RNF213: variants seen among roughly 807,000 people sequenced by gnomAD.
RNF213 encodes the protein E3 ubiquitin-protein ligase RNF213.
A neutral mutation model predicts 514.4 loss-of-function variants in RNF213; 341 were observed. That is an observed-to-expected ratio of 0.66 (90% confidence interval 0.61 to 0.73). RNF213 has a LOEUF of 0.73. Ranked by LOEUF, RNF213 falls within the 30% of genes least tolerant of loss-of-function variation. RNF213 has a pLI of 0.00. For missense variants in RNF213, 5,767 were observed against 6,615.6 expected, an observed-to-expected ratio of 0.87 and a Z score of 4.45; for synonymous variants, 2,655 against 2,658.2, an observed-to-expected ratio of 1.00 and a Z score of 0.04.
rs188545155 is a variant in RNF213 at position 80,263,725 on chromosome 17, C to T, written c.44C>T (p.Pro15Leu). ...CAGCATGTCTCCAAGGAGGAAACCCCCAAGTTCTGCAGCCAGTGCGGAGAG... is the reference window on the plus strand; with the variant it reads ...CAGCATGTCTCCAAGGAGGAAACCCTCAAGTTCTGCAGCCAGTGCGGAGAG... ...SCQHVSKEET[P>L]KFCSQCGERL... Residue 15 changes from proline (P) to leucine (L), a missense_variant, in exon 2 of 68, where the codon CCC becomes CTC. By Grantham distance (98) the Pro-to-Leu change is moderately conservative (BLOSUM62 -3). Around this residue, in one of 13 missense-constraint regions of RNF213, gnomAD observed 509 missense variants for 496.7 expected, o/e 1.02. Coordinates refer to ENST00000582970, the MANE Select transcript of RNF213 (RefSeq NM_001256071.3). The surrounding 1 kb of genome is among the most constrained non-coding windows in gnomAD (Gnocchi z 4.9). The T allele has an allele frequency of 1.2e-6, 2 of 1,614,162 alleles. No individual in the cohort carries two copies. The highest frequency in any genetic ancestry group is 2.2e-5 in the East Asian group (1 of 44,878).
Position 80,339,582 on chromosome 17 carries a change from A to C in RNF213, c.5215A>C (p.Arg1739=). The part of the protein sequence containing the change: ...LSFIKSNCTL[R]DVLRASVGCG... Reference sequence around the variant, plus strand: ...CTTCATCAAAAGCAACTGCACCCTGAGGGATGTCTTAAGGGCCTCTGTGGG... The same window carrying C: ...CTTCATCAAAAGCAACTGCACCCTGCGGGATGTCTTAAGGGCCTCTGTGGG... Residue 1739 remains arginine, a synonymous_variant, in exon 26 of 68, where the codon AGG becomes CGG. Transcript: ENST00000582970. 6.5e-7 allele frequency: 1 copy of C among 1,537,146 alleles called. No homozygotes were observed. The highest frequency in any genetic ancestry group is 8.7e-7 in the Non-Finnish European group (1 of 1,146,864).
Position 80,339,467 on chromosome 17 carries a change from C to A in RNF213, c.5100C>A (p.Tyr1700Ter), listed in dbSNP as rs1194536557. 2.0e-6 allele frequency: 3 copies of A among 1,537,258 alleles called. No homozygotes were observed. The highest frequency in any genetic ancestry group is 2.6e-6 in the Non-Finnish European group (3 of 1,146,926). Residue 1700 changes from tyrosine (Y) to a stop codon, truncating the protein, a stop_gained, in exon 26 of 68, where the codon TAC becomes TAA. Transcript: ENST00000582970. LOFTEE classifies it high-confidence loss of function. ...CCCAGAAGCGAATGGAGCACTTTTACCTGAACTTCTACACGGCAGAGCAGC... is the reference window on the plus strand; with the variant it reads ...CCCAGAAGCGAATGGAGCACTTTTAACTGAACTTCTACACGGCAGAGCAGC... Reference protein sequence around the residue: ...FVTQKRMEHFYLNFYTAEQLV... With the variant: ...FVTQKRMEHF
intron 2 of RNF213, among the ~76,000 whole-genome samples, chr17:80,272,902 G>GT (rs1354447802): frequency 3.3e-5 from 5 of 152,170 alleles, no homozygotes; most frequent in African/African-American, 9.7e-5. Flanking sequence ...GGAGGAAAGC[G>GT]TAACAGGCTC....
intron 26 of RNF213, among the ~76,000 whole-genome samples, chr17:80,342,748 A>G (rs2078196179): frequency 6.9e-6 from 1 of 145,100 alleles, no homozygotes; most frequent in African/African-American, 2.5e-5. Context: ...TATATATTGT[A>G]TGTATATATA....
intron 19 of RNF213, 42 bp from the exon 20 acceptor site, chr17:80,328,285 TG>T: frequency 6.6e-7 from 1 of 1,507,000 alleles, no homozygotes; most frequent in Non-Finnish European, 8.8e-7. Context: ...AAATGGCATT[TG>T]TTGCTGTATT....
intron 3 of RNF213, among the ~76,000 whole-genome samples, chr17:80,283,564 C>T (rs901601791): frequency 3.9e-5 from 6 of 152,236 alleles, no homozygotes; most frequent in African/African-American, 1.4e-4. Flanking sequence ...GCCCAACCTC[C>T]GTGTGCTGCT....
In RNF213 at chr17:80,263,096, A is replaced by C. The variant is rs150506437; in HGVS notation, c.-108-478A>C. Among the ~76,000 whole-genome samples the C allele has an allele frequency of 1.3e-5, 2 of 152,268 alleles. No homozygotes were observed. Among genetic ancestry groups the C allele is most frequent in the Non-Finnish European group, 2.9e-5 (2 of 68,014 alleles). On this transcript the variant is annotated intron_variant, in intron 1 of 67. Transcript: ENST00000582970. The surrounding 1 kb of genome is among the most constrained non-coding windows in gnomAD (Gnocchi z 4.9). ...TGAGTCCTGGCCTTGGTCTGGTTTGATGCCATCCACCGCAGAGGCTGTTCT... is the reference window on the plus strand; with the variant it reads ...TGAGTCCTGGCCTTGGTCTGGTTTGCTGCCATCCACCGCAGAGGCTGTTCT...
intron 3 of RNF213, among the ~76,000 whole-genome samples, chr17:80,281,283 C>CCA (rs1328364233): frequency 9.6e-6 from 1 of 104,594 alleles, no homozygotes; most frequent in Non-Finnish European, 2.0e-5. Flanking sequence ...ACACTCCCCC[C>CCA]CACACACATA....
intron 11 of RNF213, among the ~76,000 whole-genome samples, chr17:80,299,003 A>G (rs889349649): frequency 1.3e-5 from 2 of 152,112 alleles, no homozygotes; most frequent in Non-Finnish European, 1.5e-5. Flanking sequence ...AAAACTATCA[A>G]GAATACAGAA....
chr17:80,371,281 C>G (rs2079508237), intron 46 of RNF213, among the ~76,000 whole-genome samples: 3 of 152,180 alleles, frequency 2.0e-5, no homozygotes, highest in Admixed American at 1.3e-4. Context: ...GAATAATAGC[C>G]ACAATCAGCT....
rs554817571 is a variant in RNF213 at position 80,326,470 on chromosome 17, T to G, written c.3193+1272T>G. 4.6e-5 allele frequency among the ~76,000 whole-genome samples: 7 copies of G among 152,322 alleles called. No individual in the cohort carries two copies. In the East Asian group the frequency reaches 1.2e-3, roughly 25 times the overall value. ...GAGAAGCCAATATTGATAACACTGT[T>G]ATTAACTAAAGTCCATAGTTCGTTC... On this transcript the variant is annotated intron_variant, in intron 18 of 67. Coordinates refer to ENST00000582970, the MANE Select transcript of RNF213 (RefSeq NM_001256071.3).
At chr17:80,344,584 T>C in intron 28 of RNF213, 94 bp from the exon 29 acceptor site, 1 of 1,354,200 alleles carries the variant, frequency 7.4e-7, no homozygotes, top group Non-Finnish European at 1.1e-6. Flanking sequence ...TTCATAAAGG[T>C]CCATCCAATA....
chr17:80,284,906 A>G (rs910142895), intron 3 of RNF213, among the ~76,000 whole-genome samples: 2 of 152,196 alleles, frequency 1.3e-5, no homozygotes, highest in African/African-American at 4.8e-5. Flanking sequence ...CCAATCCCCC[A>G]GTGGGTCCCT....
At chr17:80,349,070 T>C (rs1335361757) in intron 29 of RNF213, among the ~76,000 whole-genome samples, 2 of 151,274 alleles carry the variant, frequency 1.3e-5, no homozygotes, top group African/African-American at 4.9e-5. Context: ...GGAGGCAATT[T>C]GGCAGGGCCA....
chr17:80,271,581 A>G (rs1412400292), intron 2 of RNF213, among the ~76,000 whole-genome samples: 1 of 152,230 alleles, frequency 6.6e-6, no homozygotes, highest in African/African-American at 2.4e-5. Context: ...AGTGTGTGTC[A>G]GGGAGAGGTG....
At chr17:80,286,989 C>G (rs547902206) in intron 3 of RNF213, among the ~76,000 whole-genome samples, 4 of 152,182 alleles carry the variant, frequency 2.6e-5, no homozygotes, top group African/African-American at 7.2e-5. Context: ...TAGTCTCATC[C>G]TTCTCATTTC....
At chr17:80,280,347 G>A (rs896981832) in intron 3 of RNF213, among the ~76,000 whole-genome samples, 2 of 152,204 alleles carry the variant, frequency 1.3e-5, no homozygotes, top group South Asian at 2.1e-4. Context: ...AGAGAACATG[G>A]AAGGTTTAGC....
At chr17:80,271,441 G>A (rs1284270276) in intron 2 of RNF213, among the ~76,000 whole-genome samples, 7 of 152,284 alleles carry the variant, frequency 4.6e-5, no homozygotes, top group South Asian at 2.1e-4. Flanking sequence ...TGCTGGAAAC[G>A]GGCGTGGGGA....
chr17:80,327,751 CG>C (rs1347477136), intron 18 of RNF213, 64 bp from the exon 19 acceptor site: 59 of 1,375,524 alleles, frequency 4.3e-5, no homozygotes, highest in Non-Finnish European at 5.5e-5. Flanking sequence ...GGAATTCCCA[CG>C]GTAACGGCAA....
Sources: allele counts gnomAD v4.1 joint callset (sites outside exome capture counted in the v4.1 genomes callset), GRCh38; gene constraint gnomAD v4.1.1; regional missense constraint gnomAD v4.1.1; non-coding constraint Gnocchi (gnomAD v3.1); transcripts MANE v1.5; gene names NCBI Gene and HGNC (gene_info 2026-07-23, HGNC 2026-07-21).